The following VPS50 variants were observed in gnomAD, a reference collection of about 807,000 sequenced individuals.
The protein encoded by VPS50 is VPS50 subunit of EARP/GARPII complex, also known as syndetin.
Under a neutral mutation model 139.7 loss-of-function variants are expected in VPS50, and 70 were observed. The ratio of observed to expected loss-of-function variants is 0.50; its 90% CI spans 0.41 to 0.61. The LOEUF (loss-of-function observed/expected upper bound fraction) is 0.61, where lower values mean the gene tolerates loss of function less well. VPS50 is among the 20% of genes least tolerant of loss of function. The pLI is 0.00. For missense variants in VPS50, 921 were observed against 1,133.7 expected, an observed-to-expected ratio of 0.81 and a Z score of 2.69; for synonymous variants, 365 against 376.7, an observed-to-expected ratio of 0.97 and a Z score of 0.36.
chr7:93,288,549 C>T (rs751839632), intron 12 of VPS50, among the ~76,000 whole-genome samples: 9 of 152,072 alleles, frequency 5.9e-5, no homozygotes, highest in African/African-American at 1.9e-4. Context: ...TTTGTTAGAT[C>T]GTGACAAATT....
At chr7:93,329,413 T>TA (rs1274653514) in intron 21 of VPS50, among the ~76,000 whole-genome samples, 3 of 151,314 alleles carry the variant, frequency 2.0e-5, no homozygotes, top group Non-Finnish European at 4.4e-5. Flanking sequence ...GTGAAGAGCG[T>TA]AAAAAAGGAT....
At position 93,323,679 on chromosome 7, in the gene VPS50, C is replaced by G; in HGVS notation, c.1924C>G (p.Leu642Val). The G allele has an allele frequency of 7.1e-7, 1 of 1,399,650 alleles. No individual in the cohort carries two copies. Among genetic ancestry groups the G allele is most frequent in the Non-Finnish European group, 9.7e-7 (1 of 1,031,650 alleles). 86.7% of individuals were successfully genotyped at this position (1,399,650 alleles called of 1,614,324 possible). ...AFDVIHFMSQ[L>V]FDYYLYAIYT... ...TGATGTTATTCATTTCATGTCTCAA[C>G]TATTTGATTATTACTTGTATGCAAT... The change falls in exon 21 of 28, where the codon CTA (leucine) becomes GTA (valine). Residue 642 changes from leucine to valine, a missense_variant. Around this residue, in one of 3 missense-constraint regions of VPS50, gnomAD observed 744 missense variants for 930.6 expected, o/e 0.80. Coordinates refer to ENST00000305866, the MANE Select transcript of VPS50 (RefSeq NM_017667.4).
Position 93,240,249 on chromosome 7 carries a change from ACT to A in VPS50, c.102+335_102+336del, listed in dbSNP as rs4015280. ...CACACACACACACACACACACACAC[ACT>A]CTCTCTCTCTCTCTCTCTCATTGAT... On this transcript the variant is annotated intron_variant, in intron 2 of 27. Coordinates refer to ENST00000305866, the MANE Select transcript of VPS50 (RefSeq NM_017667.4). Among the ~76,000 whole-genome samples, 444 of 109,306 alleles carry A rather than the reference ACT, an allele frequency of 4.1e-3. 2 individuals carry two copies. The highest frequency in any genetic ancestry group is 0.012 in the African/African-American group (292 of 24,706). 71.7% of individuals were successfully genotyped at this position (109,306 alleles called of 152,430 possible). A position where few individuals can be genotyped will look rare whatever the true frequency, so the allele number is the denominator to read the frequency against.
At chr7:93,351,609 G>T (rs1031677188) in intron 25 of VPS50, among the ~76,000 whole-genome samples, 1 of 152,098 alleles carries the variant, frequency 6.6e-6, no homozygotes, top group African/African-American at 2.4e-5. Flanking sequence ...TGGTAAAAAA[G>T]GCAAGGCAGC....
chr7:93,247,635 T>C (rs1402994209), intron 2 of VPS50, among the ~76,000 whole-genome samples: 1 of 152,018 alleles, frequency 6.6e-6, no homozygotes, highest in Non-Finnish European at 1.5e-5. Context: ...TGCTTACTTA[T>C]TCATCTGACC....
At chr7:93,336,360 T>C (rs1476661401) in intron 22 of VPS50, among the ~76,000 whole-genome samples, 1 of 152,138 alleles carries the variant, frequency 6.6e-6, no homozygotes, top group Non-Finnish European at 1.5e-5. Flanking sequence ...AGAAAATTTG[T>C]TTGTCACATC....
intron 22 of VPS50, among the ~76,000 whole-genome samples, chr7:93,338,358 G>A (rs1327641607): frequency 1.3e-5 from 2 of 152,174 alleles, no homozygotes; most frequent in East Asian, 1.9e-4. Context: ...TGAAAGCAAT[G>A]AAGAAATTAG....
intron 20 of VPS50, among the ~76,000 whole-genome samples, chr7:93,313,086 T>C (rs1392464667): frequency 1.3e-5 from 2 of 152,152 alleles, no homozygotes; most frequent in African/African-American, 4.8e-5. Context: ...AAGATGTAGG[T>C]TGAAAGAATA....
At chr7:93,308,759 T>G in intron 18 of VPS50, 65 bp from the exon 19 acceptor site, 1 of 765,174 alleles carries the variant, frequency 1.3e-6, no homozygotes, top group Admixed American at 2.0e-5. Context: ...ACTTTCACTG[T>G]GTTGAGACAC....
chr7:93,339,863 T>G (rs1798165435), intron 22 of VPS50, among the ~76,000 whole-genome samples: 1 of 152,224 alleles, frequency 6.6e-6, no homozygotes, highest in Non-Finnish European at 1.5e-5. Context: ...TATGAGCTAT[T>G]GCTTAACTTA....
chr7:93,253,476 G>A (rs550404838), intron 3 of VPS50, among the ~76,000 whole-genome samples: 37 of 152,294 alleles, frequency 2.4e-4, no homozygotes, highest in African/African-American at 8.7e-4. Context: ...TAAACAAATA[G>A]AGATATATCT....
At chr7:93,259,934 T>C (rs1449816489) in intron 9 of VPS50, among the ~76,000 whole-genome samples, 2 of 152,194 alleles carry the variant, frequency 1.3e-5, no homozygotes, top group Admixed American at 1.3e-4. Context: ...TCTGTTCATA[T>C]CTCCAATGCA....
rs548377466 is a variant in VPS50, at chr7:93,348,749, A to G, written c.2246A>G (p.His749Arg). 2 of 1,613,820 alleles carry G rather than the reference A, an allele frequency of 1.2e-6. No individual in the cohort carries two copies. The highest frequency in any genetic ancestry group is 1.1e-5 in the South Asian group (1 of 91,082). The stretch of plus-strand genomic sequence containing the variant: ...GAACAGTTTGAGTTCCTTCAGCCAC[A>G]TCTGGATGCTGTGATGCCTGCAGTC... ...LAEQFEFLQP[H>R]LDAVMPAVKK... Residue 749 changes from histidine (H) to arginine (R), a missense_variant, in exon 24 of 28, where the codon CAT (histidine) becomes CGT (arginine). Physicochemically the swap from His to Arg is conservative, Grantham distance 29. Coordinates refer to ENST00000305866, the MANE Select transcript of VPS50 (RefSeq NM_017667.4).
chr7:93,348,686 AC>A (rs761471349), intron 23 of VPS50, 24 bp from the exon 24 acceptor site: 2 of 1,436,440 alleles, frequency 1.4e-6, no homozygotes, highest in Non-Finnish European at 2.0e-6. Context: ...ATTTGTTTAC[AC>A]AGTGGGTTAT....
In VPS50 at chr7:93,318,549, A is replaced by G. The variant is rs1797499670; in HGVS notation, c.1856-5062A>G. On this transcript the variant is annotated intron_variant, in intron 20 of 27. Coordinates refer to ENST00000305866, the MANE Select transcript of VPS50 (RefSeq NM_017667.4). ...GAAATAAAATAATGAATATTCTTCC[A>G]ACTCAGAATCTATTCCTGCTTGTGT... is the stretch of plus-strand genomic sequence containing the variant. Among the ~76,000 whole-genome samples, 3 of 152,308 alleles carry G rather than the reference A, an allele frequency of 2.0e-5. No individual in the cohort carries two copies. In the East Asian group the frequency reaches 5.8e-4, roughly 29 times the overall value.
chr7:93,285,901 C>T (rs954533094), intron 12 of VPS50, among the ~76,000 whole-genome samples: 3 of 152,110 alleles, frequency 2.0e-5, no homozygotes, highest in Non-Finnish European at 4.4e-5. Context: ...ATCCTTCCTC[C>T]TAGGATATTT....
At chr7:93,352,340 A>G (rs985773530) in intron 25 of VPS50, among the ~76,000 whole-genome samples, 18 of 152,198 alleles carry the variant, frequency 1.2e-4, no homozygotes, top group African/African-American at 3.9e-4. Context: ...TTGATTTTCA[A>G]AGGTAAATTT....
At chr7:93,265,737 A>T (rs6465377) in intron 9 of VPS50, among the ~76,000 whole-genome samples, 79,793 of 151,764 alleles carry the variant, frequency 0.53, 24,904 homozygotes, top group African/African-American at 0.88. Context: ...GCTATTTTTT[A>T]AATATTTTTA....
chr7:93,287,504 T>G (rs1446580558), intron 12 of VPS50, among the ~76,000 whole-genome samples: 1 of 152,024 alleles, frequency 6.6e-6, no homozygotes, highest in Non-Finnish European at 1.5e-5. Context: ...GGTTTAAGTT[T>G]TAATTTTCTG....
Sources: allele counts gnomAD v4.1 joint callset (sites outside exome capture counted in the v4.1 genomes callset), GRCh38; gene constraint gnomAD v4.1.1; regional missense constraint gnomAD v4.1.1; transcripts MANE v1.5; gene names NCBI Gene and HGNC (gene_info 2026-07-23, HGNC 2026-07-21).